QTMAN: variants seen among roughly 807,000 people sequenced by gnomAD.
QTMAN encodes queuosine-tRNA mannosyltransferase.
the QTMAN span, among the ~76,000 whole-genome samples, chr2:143,948,431 A>ATC: frequency 1.3e-3 from 194 of 152,284 alleles, no homozygotes; most frequent in African/African-American, 4.4e-3. Context: ...CAAGAATGGC[A>ATC]TCTCTCTCTC....
At chr2:143,986,899 C>T in the QTMAN span, among the ~76,000 whole-genome samples, 2 of 151,912 alleles carry the variant, frequency 1.3e-5, no homozygotes, top group Admixed American at 6.5e-5. Flanking sequence ...TTTTGCAAAG[C>T]GATGAGTGTA....
chr2:144,242,652 CA>C, the QTMAN span, among the ~76,000 whole-genome samples: 1 of 152,010 alleles, frequency 6.6e-6, no homozygotes, highest in East Asian at 1.9e-4. Context: ...ATAAGCTAGC[CA>C]AAATGTTATG....
chr2:144,295,915 T>C, the QTMAN span, among the ~76,000 whole-genome samples: 1 of 152,208 alleles, frequency 6.6e-6, no homozygotes, highest in Non-Finnish European at 1.5e-5. Context: ...GCATTATTTT[T>C]ATACTTTTTT....
chr2:144,095,968 C>A, the QTMAN span, among the ~76,000 whole-genome samples: 2,323 of 152,156 alleles, frequency 0.015, 79 homozygotes, highest in African/African-American at 0.052. Context: ...TTGAAGCAGT[C>A]TGAAATACAT....
At chr2:144,046,949 T>A in the QTMAN span, among the ~76,000 whole-genome samples, 3 of 152,182 alleles carry the variant, frequency 2.0e-5, no homozygotes, top group African/African-American at 7.2e-5. Flanking sequence ...AATTGAACAC[T>A]AAAGTGGCTT....
chr2:144,208,833 T>C, the QTMAN span: 2 of 1,338,812 alleles, frequency 1.5e-6, no homozygotes, highest in East Asian at 4.8e-5. Context: ...ATGTATATTT[T>C]TTCCATTACA....
At chr2:144,019,479 T>TGTGTGTGTGC in the QTMAN span, among the ~76,000 whole-genome samples, 1 of 139,090 alleles carries the variant, frequency 7.2e-6, no homozygotes. Flanking sequence ...TGTGTGTGTG[T>TGTGTGTGTGC]GTGTATGTAG....
the QTMAN span, among the ~76,000 whole-genome samples, chr2:144,122,039 G>C: frequency 6.6e-6 from 1 of 152,206 alleles, no homozygotes; most frequent in African/African-American, 2.4e-5. Context: ...TGTAAAAATA[G>C]AGATGACTCT....
At chr2:144,310,484 T>C in the QTMAN span, among the ~76,000 whole-genome samples, 1 of 152,208 alleles carries the variant, frequency 6.6e-6, no homozygotes, top group Admixed American at 6.5e-5. Context: ...CTAAATATTC[T>C]GGATACTGCA....
chr2:144,090,023 A>T, the QTMAN span, among the ~76,000 whole-genome samples: 2,499 of 152,160 alleles, frequency 0.016, 163 homozygotes, highest in Admixed American at 0.11. Context: ...TCCAAGTGTG[A>T]CTTATTTCGG....
the QTMAN span, among the ~76,000 whole-genome samples, chr2:144,256,536 T>A: frequency 1.3e-5 from 2 of 152,138 alleles, no homozygotes; most frequent in East Asian, 1.9e-4. Flanking sequence ...AAGAATGAGT[T>A]CATGTCCTTT....
chr2:143,974,925 C>G, the QTMAN span, among the ~76,000 whole-genome samples: 1 of 152,134 alleles, frequency 6.6e-6, no homozygotes, highest in Non-Finnish European at 1.5e-5. Context: ...CAACTTAAGT[C>G]TTCACAAAAT....
At chr2:144,213,467 T>C in the QTMAN span, among the ~76,000 whole-genome samples, 1 of 152,224 alleles carries the variant, frequency 6.6e-6, no homozygotes. Context: ...AGCTTTCATA[T>C]ATGACGTCAA....
the QTMAN span, among the ~76,000 whole-genome samples, chr2:144,090,478 CA>C: frequency 5.6e-4 from 85 of 151,224 alleles, no homozygotes; most frequent in Non-Finnish European, 9.3e-4. Context: ...ATAAAATCTA[CA>C]AAAAAAAGTT....
the QTMAN span, among the ~76,000 whole-genome samples, chr2:144,195,534 T>C: frequency 6.6e-6 from 1 of 152,226 alleles, no homozygotes; most frequent in Non-Finnish European, 1.5e-5. Flanking sequence ...ATAAAACTGA[T>C]TGAAAGAAGA....
At chr2:144,044,425 G>A in the QTMAN span, among the ~76,000 whole-genome samples, 16 of 152,180 alleles carry the variant, frequency 1.1e-4, 1 homozygote, top group South Asian at 3.3e-3. Context: ...AAATGCAGTT[G>A]CAAATCTTAT....
At chr2:144,133,151 A>AT in the QTMAN span, among the ~76,000 whole-genome samples, 3,119 of 51,318 alleles carry the variant, frequency 0.061, 352 homozygotes, top group African/African-American at 0.27. Flanking sequence ...ATATATATAT[A>AT]ATATAATATA....
chr2:144,031,389 G>A, the QTMAN span, among the ~76,000 whole-genome samples: 1 of 152,048 alleles, frequency 6.6e-6, no homozygotes, highest in East Asian at 1.9e-4. Context: ...TACATAGATA[G>A]TGCTAAGAGT....
chr2:144,272,673 T>A, the QTMAN span, among the ~76,000 whole-genome samples: 3 of 152,128 alleles, frequency 2.0e-5, no homozygotes, highest in African/African-American at 7.2e-5. Context: ...CTGTTACAAA[T>A]GCTAATTTTA....
Sources: gnomAD v4.1 joint callset for allele counts (sites outside exome capture counted in the v4.1 genomes callset) on GRCh38, gnomAD v4.1.1 for gene constraint, MANE v1.5 for transcripts, NCBI Gene and HGNC (gene_info 2026-07-23, HGNC 2026-07-21) for gene names.